Variants in DNAH6 observed in about 807,000 individuals in gnomAD.
The protein encoded by DNAH6 is dynein axonemal heavy chain 6.
In DNAH6, 340 loss-of-function variants were observed where a neutral mutation model predicts 491.4. That is an observed-to-expected ratio of 0.69 (90% confidence interval 0.63 to 0.76). DNAH6 has a LOEUF of 0.76. Among genes scored for constraint, DNAH6 ranks in the 30% least tolerant of loss-of-function variants. The probability of loss-of-function intolerance (pLI) is 0.00; values close to 1 mark genes in which losing one functional copy is unlikely to be tolerated. For synonymous variants in DNAH6, 1,603 were observed against 1,686.1 expected, an observed-to-expected ratio of 0.95 and a Z score of 1.21; for missense variants, 4,443 against 4,972.2, an observed-to-expected ratio of 0.89 and a Z score of 3.20.
At position 84,537,227 on chromosome 2, in the gene DNAH6, T is replaced by A. The variant is rs555688571; in HGVS notation, c.663-7006T>A. ...TTATGATAAAAATGACATCAATTAGTAAATTATAGCTGCATTAGGAGGAAC... is the reference window on the plus strand; with the variant it reads ...TTATGATAAAAATGACATCAATTAGAAAATTATAGCTGCATTAGGAGGAAC... On this transcript the variant is annotated intron_variant, in intron 4 of 76. Coordinates refer to ENST00000389394, the MANE Select transcript of DNAH6 (RefSeq NM_001370.2). 1.8e-4 allele frequency among the ~76,000 whole-genome samples: 27 copies of A among 152,174 alleles called. No individual in the cohort carries two copies. The South Asian group carries it at 5.6e-3, about 32-fold the overall frequency.
In DNAH6 at chr2:84,653,673, A is replaced by G. The variant is rs1351643602; in HGVS notation, c.5433A>G (p.Glu1811=). 6.4e-7 allele frequency: 1 copy of G among 1,551,268 alleles called. No individual in the cohort carries two copies. ...GAGAGGTTAATAACTTAACCTTGGA[A>G]TGGAAAGATGGTTTGATGGCACTAA... The part of the protein sequence containing the change: ...LYGEVNNLTL[E]WKDGLMALSV... Residue 1811 remains glutamate, a synonymous_variant, in exon 34 of 77, where the codon GAA becomes GAG. Transcript: ENST00000389394.
chr2:84,771,958 T>G (rs895072026), intron 64 of DNAH6, among the ~76,000 whole-genome samples: 3 of 152,232 alleles, frequency 2.0e-5, no homozygotes, highest in Non-Finnish European at 4.4e-5. Context: ...TGGCTTATAA[T>G]TTCTCTTTTC....
At position 84,552,771 on chromosome 2, in the gene DNAH6, T is replaced by C. The variant is rs1399824005; in HGVS notation, c.1486-147T>C. On this transcript the variant is annotated intron_variant, in intron 9 of 76. Coordinates refer to ENST00000389394, the MANE Select transcript of DNAH6 (RefSeq NM_001370.2). ...ATTTGCCTTTTTTTCTTTCTGTTCT[T>C]TATTATTCTCTGAAACACTTTCCAC... 9 of 455,090 alleles carry C rather than the reference T, an allele frequency of 2.0e-5. No homozygotes were observed. In the East Asian group the frequency reaches 2.1e-4, roughly 11 times the overall value. The allele number at this position is 455,090 out of a possible 1,614,324, so 28.2% of individuals were successfully genotyped here.
chr2:84,591,450 A>G (rs2104130825), intron 16 of DNAH6, among the ~76,000 whole-genome samples: 1 of 152,268 alleles, frequency 6.6e-6, no homozygotes, highest in South Asian at 2.1e-4. Flanking sequence ...TGATGAAAGA[A>G]ATGAAATAAT....
At chr2:84,595,559 T>TCGCCGA in intron 17 of DNAH6, 87 bp from the exon 18 acceptor site, 1 of 1,214,810 alleles carries the variant, frequency 8.2e-7, no homozygotes, top group Non-Finnish European at 1.1e-6. Context: ...AGATTTGGAT[T>TCGCCGA]AACTTTTAAA....
intron 4 of DNAH6, among the ~76,000 whole-genome samples, chr2:84,530,213 C>T (rs11126967): frequency 0.93 from 142,016 of 152,180 alleles, 66,385 homozygotes; most frequent in East Asian, 1. Context: ...GTAAATTATG[C>T]AGAATACTAA....
Position 84,670,457 on chromosome 2 carries a change from AAAAG to A in DNAH6, c.6440_6443del (p.Arg2147LysfsTer4), listed in dbSNP as rs1267001785. On this transcript the variant is annotated frameshift_variant, in exon 39 of 77. Transcript: ENST00000389394. LOFTEE classifies it high-confidence loss of function. ...GATCATTGAGTCAAAACTGGAGAGA[AAAAG>A]AAAAAATATTCTAGGTAAGAATCAT... The A allele has an allele frequency of 3.9e-6, 6 of 1,531,122 alleles. No individual in the cohort carries two copies. The Admixed American group carries it at 6.5e-5, about 17-fold the overall frequency. The allele number at this position is 1,531,122 out of a possible 1,614,324, so 94.8% of individuals were successfully genotyped here. A position where few individuals can be genotyped will look rare whatever the true frequency, so the allele number is the denominator to read the frequency against.
intron 3 of DNAH6, among the ~76,000 whole-genome samples, chr2:84,527,037 G>A (rs1676665426): frequency 6.6e-6 from 1 of 152,020 alleles, no homozygotes; most frequent in Non-Finnish European, 1.5e-5. Flanking sequence ...AAAATGGGAT[G>A]TTTTACATAA....
intron 18 of DNAH6, among the ~76,000 whole-genome samples, chr2:84,598,730 G>A (rs1412288270): frequency 2.0e-5 from 3 of 152,078 alleles, no homozygotes; most frequent in Non-Finnish European, 1.5e-5. Flanking sequence ...GGATAGTAGT[G>A]TCTTAAAATT....
At chr2:84,602,456 C>T (rs1454091602) in intron 18 of DNAH6, among the ~76,000 whole-genome samples, 2 of 94,052 alleles carry the variant, frequency 2.1e-5, no homozygotes, top group East Asian at 6.4e-4. Flanking sequence ...GTTTTAAATT[C>T]TCATTGTTCT....
In DNAH6 at chr2:84,812,387, T is replaced by A. The variant is rs1309585196; in HGVS notation, c.11786T>A (p.Met3929Lys). The change falls in exon 73 of 77, where the codon ATG becomes AAG. Residue 3929 changes from methionine to lysine, a missense_variant. By Grantham distance (95) the Met-to-Lys change is moderately conservative. Coordinates refer to ENST00000389394, the MANE Select transcript of DNAH6 (RefSeq NM_001370.2). Reference sequence around the variant, plus strand: ...AAAGCCATCGCTGGATTTGTGGTGATGTCTGAAGAAATGGAAAAAGTGTAT... The same window carrying A: ...AAAGCCATCGCTGGATTTGTGGTGAAGTCTGAAGAAATGGAAAAAGTGTAT... ...LNKAIAGFVV[M>K]SEEMEKVYNS... 14 of 1,552,032 alleles carry A rather than the reference T, an allele frequency of 9.0e-6. No homozygotes were observed. The East Asian group carries it at 3.2e-4, about 35-fold the overall frequency.
At chr2:84,660,552 G>A (rs1241025858) in intron 37 of DNAH6, among the ~76,000 whole-genome samples, 1 of 151,982 alleles carries the variant, frequency 6.6e-6, no homozygotes, top group African/African-American at 2.4e-5. Context: ...AATCATCAAT[G>A]AATACTAAAA....
At chr2:84,784,331 G>C (rs1676973942) in intron 65 of DNAH6, among the ~76,000 whole-genome samples, 1 of 152,114 alleles carries the variant, frequency 6.6e-6, no homozygotes, top group Non-Finnish European at 1.5e-5. Context: ...CCATTTTCAT[G>C]CAACTTGTGT....
the DNAH6 span, among the ~76,000 whole-genome samples, chr2:84,472,752 G>A: frequency 6.6e-6 from 1 of 152,206 alleles, no homozygotes; most frequent in Non-Finnish European, 1.5e-5. Flanking sequence ...TCCGCCCTTT[G>A]ATTAAGTTTA....
At chr2:84,553,061 A>T in intron 10 of DNAH6, 27 bp downstream of exon 10, 1 of 1,350,654 alleles carries the variant, frequency 7.4e-7, no homozygotes. Context: ...TATTATCCAC[A>T]TGCAAGCACC....
the DNAH6 span, among the ~76,000 whole-genome samples, chr2:84,487,781 T>C: frequency 6.6e-6 from 1 of 152,156 alleles, no homozygotes; most frequent in South Asian, 2.1e-4. Context: ...GGCAGGCCCC[T>C]TTCCAGGTCA....
At chr2:84,652,123 C>A (rs577850384) in intron 33 of DNAH6, among the ~76,000 whole-genome samples, 1 of 151,950 alleles carries the variant, frequency 6.6e-6, no homozygotes, top group African/African-American at 2.4e-5. Flanking sequence ...TCTTTGCACA[C>A]GTATGATATT....
In DNAH6 at chr2:84,688,436, T is replaced by C; in HGVS notation, c.7138-3T>C. On this transcript the variant is annotated splice_region_variant and splice_polypyrimidine_tract_variant and intron_variant, in intron 44 of 76. Transcript: ENST00000389394. ...AACTTGGTTCTTCTCCCATAAATTA[T>C]AGTTTGGAGCAGATAAAGCTGATCG... The C allele has an allele frequency of 2.0e-6, 3 of 1,490,104 alleles. No homozygotes were observed. Among genetic ancestry groups the C allele is most frequent in the Non-Finnish European group, 2.7e-6 (3 of 1,127,938 alleles). 92.3% of individuals were successfully genotyped at this position (1,490,104 alleles called of 1,614,324 possible). A position where few individuals can be genotyped will look rare whatever the true frequency, so the allele number is the denominator to read the frequency against.
chr2:84,606,682 G>A (rs956361177), intron 20 of DNAH6, among the ~76,000 whole-genome samples: 3 of 152,174 alleles, frequency 2.0e-5, no homozygotes, highest in African/African-American at 7.2e-5. Context: ...TTACCTAATA[G>A]TGAAGGGAGA....
Sources: allele counts gnomAD v4.1 joint callset (sites outside exome capture counted in the v4.1 genomes callset), GRCh38; gene constraint gnomAD v4.1.1; transcripts MANE v1.5; gene names NCBI Gene and HGNC (gene_info 2026-07-23, HGNC 2026-07-21).